MUC5AC: variants seen among roughly 807,000 people sequenced by gnomAD.
MUC5AC encodes mucin-5AC.
Under a neutral mutation model 169.7 loss-of-function variants are expected in MUC5AC, and 158 were observed. The ratio of observed to expected loss-of-function variants is 0.93; its 90% CI spans 0.82 to 1.06. MUC5AC has a LOEUF of 1.06. Among genes scored for constraint, MUC5AC ranks in the 50% least tolerant of loss-of-function variants. The probability of loss-of-function intolerance (pLI) is 0.00; values close to 1 mark genes in which losing one functional copy is unlikely to be tolerated. For missense variants in MUC5AC, 4,359 were observed against 3,089.9 expected, an observed-to-expected ratio of 1.41 and a Z score of -9.74; for synonymous variants, 1,975 against 1,237.0, an observed-to-expected ratio of 1.60 and a Z score of -12.52.
chr11:1,165,301 G>A lies in MUC5AC; in HGVS notation c.1130-1G>A. The A allele has an allele frequency of 2.5e-6, 4 of 1,611,268 alleles. No homozygotes were observed. Among genetic ancestry groups the A allele is most frequent in the Non-Finnish European group, 3.4e-6 (4 of 1,179,194 alleles). ...GTCATAGGCCTGCCTGACCCCTGCAGGGACGGTGCTTGACGACATCGGCCA... is the reference window on the plus strand; with the variant it reads ...GTCATAGGCCTGCCTGACCCCTGCAAGGACGGTGCTTGACGACATCGGCCA... On this transcript the variant is annotated splice_acceptor_variant, in intron 9 of 48. Transcript: ENST00000621226. LOFTEE classifies it high-confidence loss of function.
Position 1,193,466 on chromosome 11 carries a change from G to T in MUC5AC, c.14581-19G>T, listed in dbSNP as rs763744904. Reference sequence around the variant, plus strand: ...AGATCGGGAGAGGCCGGACCCTGCAGGTCTCTGTGCTTCTGCAGAAAGGTG... The same window carrying T: ...AGATCGGGAGAGGCCGGACCCTGCATGTCTCTGTGCTTCTGCAGAAAGGTG... On this transcript the variant is annotated intron_variant, in intron 32 of 48. Coordinates refer to ENST00000621226, the MANE Select transcript of MUC5AC (RefSeq NM_001304359.2). 1.4e-6 allele frequency: 1 copy of T among 712,328 alleles called. No homozygotes were observed. Among genetic ancestry groups the T allele is most frequent in the South Asian group, 1.5e-5 (1 of 68,492 alleles). 44.1% of individuals were successfully genotyped at this position (712,328 alleles called of 1,614,324 possible).
rs1185256429 is a variant in MUC5AC at position 1,189,949 on chromosome 11, C to G, written c.11804C>G (p.Thr3935Arg). ...ACAGCCTCTGTTTCAAAGACCAGCA[C>G]AAGCCATGTTTCTGTATCCAAGACA... ...TSTASVSKTS[T>R]SHVSVSKTTH... is the part of the protein sequence containing the mutation. Residue 3935 changes from threonine to arginine, a missense_variant, in exon 31 of 49, where the codon ACA (threonine) becomes AGA (arginine). Transcript: ENST00000621226. The G allele has an allele frequency of 1.3e-6, 1 of 764,938 alleles. No homozygotes were observed. Among genetic ancestry groups the G allele is most frequent in the South Asian group, 1.3e-5 (1 of 74,598 alleles). 47.4% of individuals were successfully genotyped at this position (764,938 alleles called of 1,614,324 possible).
rs2133747254 is a variant in MUC5AC at position 1,178,525 on chromosome 11, G to A, written c.3169G>A (p.Asp1057Asn). ...FATRSRSVVGDVLEFGNSWKL... is the reference protein window; with the variant it reads ...FATRSRSVVGNVLEFGNSWKL... ...CACGCGGAGCCGGTCTGTGGTGGGG[G>A]ACGTGCTGGAGTTTGGGAACAGCTG... The change falls in exon 25 of 49, where the codon GAC (aspartate) becomes AAC (asparagine). Residue 1057 changes from aspartate (D) to asparagine (N), a missense_variant. By Grantham distance (23) the Asp-to-Asn change is conservative (BLOSUM62 1). Coordinates refer to ENST00000621226, the MANE Select transcript of MUC5AC (RefSeq NM_001304359.2). 1.5e-6 allele frequency: 2 copies of A among 1,290,600 alleles called. No homozygotes were observed. Among genetic ancestry groups the A allele is most frequent in the East Asian group, 3.0e-5 (1 of 33,610 alleles). 79.9% of individuals were successfully genotyped at this position (1,290,600 alleles called of 1,614,324 possible).
Position 1,192,465 on chromosome 11 carries a change from T to A in MUC5AC, c.14320T>A (p.Ser4774Thr). 3 of 765,100 alleles carry A rather than the reference T, an allele frequency of 3.9e-6. No individual in the cohort carries two copies. Among genetic ancestry groups the A allele is most frequent in the Non-Finnish European group, 7.2e-6 (3 of 417,866 alleles). 47.4% of individuals were successfully genotyped at this position (765,100 alleles called of 1,614,324 possible). The change falls in exon 31 of 49, where the codon TCT becomes ACT. Residue 4774 changes from serine to threonine, a missense_variant. Ser to Thr is a moderately conservative substitution (Grantham distance 58, BLOSUM62 1). Coordinates refer to ENST00000621226, the MANE Select transcript of MUC5AC (RefSeq NM_001304359.2). Reference sequence around the variant, plus strand: ...GGCATCCAGCTCTGTGGCATCCAGCTCTGTGGCTTACTCCACCCAAACCTG... The same window carrying A: ...GGCATCCAGCTCTGTGGCATCCAGCACTGTGGCTTACTCCACCCAAACCTG... Reference protein sequence around the residue: ...SVASSSVASSSVAYSTQTCFC... With the variant: ...SVASSSVASSTVAYSTQTCFC...
rs750684920 is a variant in MUC5AC, at chr11:1,194,480, C to T, written c.15007-7C>T. ...CTGACTTCCCGTCGACCACGCCCTG[C>T]GTCCAGATCATCTTCAACAACAAGG... On this transcript the variant is annotated splice_polypyrimidine_tract_variant and splice_region_variant and intron_variant, in intron 34 of 48. Transcript: ENST00000621226. The T allele has an allele frequency of 3.3e-5, 25 of 751,076 alleles. No homozygotes were observed. The African/African-American group carries it at 3.7e-4, about 11-fold the overall frequency. The allele number at this position is 751,076 out of a possible 1,614,324, so 46.5% of individuals were successfully genotyped here.
chr11:1,195,406 C>A (rs1378324016), intron 36 of MUC5AC, 127 bp downstream of exon 36: 3 of 638,360 alleles, frequency 4.7e-6, no homozygotes, highest in Non-Finnish European at 8.6e-6. Context: ...GCTGGTACCA[C>A]AGACCAAGGA....
rs779649866 is a variant in MUC5AC, at chr11:1,200,645, C to A, written c.16908C>A (p.Ser5636Arg). 5 of 763,450 alleles carry A rather than the reference C, an allele frequency of 6.5e-6. No homozygotes were observed. Among genetic ancestry groups the A allele is most frequent in the Admixed American group, 1.7e-5 (1 of 58,928 alleles). The allele number at this position is 763,450 out of a possible 1,614,324, so 47.3% of individuals were successfully genotyped here. The change falls in exon 49 of 49, where the codon AGC becomes AGA. Residue 5636 changes from serine to arginine, a missense_variant. Ser to Arg is a moderately radical substitution (Grantham distance 110, BLOSUM62 -1). Transcript: ENST00000621226. ...QHSEEAEPEP[S>R]QEAESGSWER... is the part of the protein sequence containing the mutation. ...CGGAGGAGGCGGAACCCGAGCCCAGCCAGGAGGCAGAGAGTGGGAGCTGGG... is the reference window on the plus strand; with the variant it reads ...CGGAGGAGGCGGAACCCGAGCCCAGACAGGAGGCAGAGAGTGGGAGCTGGG...
At position 1,165,707 on chromosome 11, in the gene MUC5AC, T is replaced by A. The variant is rs369182331; in HGVS notation, c.1333T>A (p.Phe445Ile). Residue 445 changes from phenylalanine (F) to isoleucine (I), a missense_variant, in exon 11 of 49, where the codon TTT becomes ATT. By Grantham distance (21) the Phe-to-Ile change is conservative (BLOSUM62 0). Coordinates refer to ENST00000621226, the MANE Select transcript of MUC5AC (RefSeq NM_001304359.2). ...SVLGGAHFST[F>I]DGKQYTVHGD... is the part of the protein sequence containing the mutation. ...GCTTGGAGGTGCCCACTTCTCAACG[T>A]TTGACGGGAAGCAATACACGGTGCA... 305 of 1,612,374 alleles carry A rather than the reference T, an allele frequency of 1.9e-4. No homozygotes were observed. Among genetic ancestry groups the A allele is most frequent in the Non-Finnish European group, 2.3e-4 (276 of 1,179,760 alleles).
At chr11:1,161,673 G>A in intron 3 of MUC5AC, 87 bp downstream of exon 3, 3 of 1,425,802 alleles carry the variant, frequency 2.1e-6, no homozygotes, top group Non-Finnish European at 2.8e-6. Context: ...GGTGGAGAGG[G>A]GCCCCAGCTT....
Position 1,188,969 on chromosome 11 carries a change from C to T in MUC5AC, c.10824C>T (p.Cys3608=), listed in dbSNP as rs1460274244. The change falls in exon 31 of 49, where the codon TGC becomes TGT. Residue 3608 remains cysteine (C), a synonymous_variant. Coordinates refer to ENST00000621226, the MANE Select transcript of MUC5AC (RefSeq NM_001304359.2). ...ACCAGCAGGGACCCTTCAAGATGTG[C>T]CTCAACTACGAGGTGCGTGTGCTTT... ...NQDQQGPFKM[C]LNYEVRVLCC... is the part of the protein sequence containing the mutation. 1.1e-5 allele frequency: 8 copies of T among 699,954 alleles called. No homozygotes were observed. Among genetic ancestry groups the T allele is most frequent in the Middle Eastern group, 2.4e-4 (1 of 4,142 alleles). The allele number at this position is 699,954 out of a possible 1,614,324, so 43.4% of individuals were successfully genotyped here. A position where few individuals can be genotyped will look rare whatever the true frequency, so the allele number is the denominator to read the frequency against.
At chr11:1,196,818 G>A (rs2133776172) in intron 39 of MUC5AC, 59 bp from the exon 40 acceptor site, 1 of 748,730 alleles carries the variant, frequency 1.3e-6, no homozygotes, top group South Asian at 1.4e-5. Flanking sequence ...ATGGGACCCT[G>A]CCTCTCGCCC....
chr11:1,160,785 C>A (rs1386780826), intron 2 of MUC5AC, 96 bp downstream of exon 2: 1 of 1,284,102 alleles, frequency 7.8e-7, no homozygotes, highest in African/African-American at 1.5e-5. Flanking sequence ...AGGGTGGCTC[C>A]CCAGCTGGCC....
chr11:1,199,284 G>A (rs1861362268), intron 45 of MUC5AC, 87 bp from the exon 46 acceptor site: 2 of 694,142 alleles, frequency 2.9e-6, no homozygotes, highest in Admixed American at 4.0e-5. Flanking sequence ...AGAGGCTGGG[G>A]ACTCTCTGGA....
At chr11:1,171,313 CT>C in intron 15 of MUC5AC, among the ~76,000 whole-genome samples, 1 of 131,724 alleles carries the variant, frequency 7.6e-6, no homozygotes, top group Non-Finnish European at 1.6e-5. Flanking sequence ...CACCTACTCA[CT>C]CAGTCACCTC....
chr11:1,183,741 T>C lies in MUC5AC; in HGVS notation c.5596T>C (p.Ser1866Pro), dbSNP rs1202696521. ...TAGCAGTCCAGCCCAGACCACTCCT[T>C]CAACAACCTCCAAGACCACTGAAAC... is the stretch of plus-strand genomic sequence containing the variant. ...TSSSPAQTTP[S>P]TTSKTTETQA... is the part of the protein sequence containing the mutation. The change falls in exon 31 of 49, where the codon TCA becomes CCA. Residue 1866 changes from serine to proline, a missense_variant. Coordinates refer to ENST00000621226, the MANE Select transcript of MUC5AC (RefSeq NM_001304359.2). 20 of 513,630 alleles carry C rather than the reference T, an allele frequency of 3.9e-5. No individual in the cohort carries two copies. The highest frequency in any genetic ancestry group is 4.8e-5 in the Non-Finnish European group (14 of 294,646). 31.8% of individuals were successfully genotyped at this position (513,630 alleles called of 1,614,324 possible).
chr11:1,196,806 A>G (rs1402122662), intron 39 of MUC5AC, 71 bp from the exon 40 acceptor site: 6 of 741,790 alleles, frequency 8.1e-6, no homozygotes, highest in East Asian at 2.5e-5. Flanking sequence ...CCTGGCCCCA[A>G]TATGGGACCC....
At chr11:1,162,244 G>A (rs1034530920) in intron 4 of MUC5AC, 76 bp downstream of exon 4, 21 of 1,544,668 alleles carry the variant, frequency 1.4e-5, no homozygotes, top group Middle Eastern at 2.4e-4. Flanking sequence ...GGGGTTTCGC[G>A]GTCCTGGGAG....
chr11:1,165,271 C>T (rs370413430), intron 9 of MUC5AC, 31 bp from the exon 10 acceptor site: 16 of 1,585,532 alleles, frequency 1.0e-5, no homozygotes, highest in East Asian at 2.2e-5. Flanking sequence ...ACACAGCAGG[C>T]GCCCGTCATA....
chr11:1,165,559 C>A (rs1028110629), intron 10 of MUC5AC, 63 bp from the exon 11 acceptor site: 5 of 1,601,568 alleles, frequency 3.1e-6, no homozygotes, highest in Non-Finnish European at 2.6e-6. Context: ...AGCCTCCTGA[C>A]GCGGAGGCTG....
Sources: allele counts gnomAD v4.1 joint callset (sites outside exome capture counted in the v4.1 genomes callset), GRCh38; gene constraint gnomAD v4.1.1; transcripts MANE v1.5; gene names NCBI Gene and HGNC (gene_info 2026-07-23, HGNC 2026-07-21).